CTC1: variants seen among roughly 807,000 people sequenced by gnomAD.
CTC1 encodes CST complex subunit CTC1.
In CTC1, 91 loss-of-function variants were observed where a neutral mutation model predicts 136.3. The ratio of observed to expected loss-of-function variants is 0.67; its 90% CI spans 0.56 to 0.79. CTC1 has a LOEUF of 0.79. Among genes scored for constraint, CTC1 ranks in the 30% least tolerant of loss-of-function variants. CTC1 has a pLI of 0.00. For synonymous variants in CTC1, 606 were observed against 613.8 expected (o/e 0.99, Z 0.19); for missense variants, 1,432 against 1,498.1 (o/e 0.96, Z 0.73).
chr17:8,228,933 CA>C, intron 20 of CTC1, 41 bp from the exon 21 acceptor site: 3 of 1,577,644 alleles, frequency 1.9e-6, no homozygotes, highest in Non-Finnish European at 1.7e-6. Flanking sequence ...TATAGCAACC[CA>C]GGTTGCCAAC....
rs780151711 is a variant in CTC1, at chr17:8,232,915, G to A, written c.1936C>T (p.Arg646Trp). The part of the protein sequence containing the change: ...AKHSQPLSDP[R>W]LIGCLVRAER... ...CATCTGAACTCCAAACCTATCAGCC[G>A]TGGGTCACTGAGGGGTTGAGAGTGC... Residue 646 changes from arginine (R) to tryptophan (W), a missense_variant, in exon 11 of 23, where the codon CGG becomes TGG. Arg to Trp is a moderately radical substitution (Grantham distance 101). Coordinates refer to ENST00000651323, the MANE Select transcript of CTC1 (RefSeq NM_025099.6). The A allele has an allele frequency of 2.0e-5, 32 of 1,613,874 alleles. No individual in the cohort carries two copies. The highest frequency in any genetic ancestry group is 1.1e-4 in the East Asian group (5 of 44,874).
In CTC1 at chr17:8,235,932, G is replaced by A; in HGVS notation, c.1105C>T (p.Pro369Ser). The A allele has an allele frequency of 6.2e-7, 1 of 1,612,056 alleles. No individual in the cohort carries two copies. Among genetic ancestry groups the A allele is most frequent in the Non-Finnish European group, 8.5e-7 (1 of 1,178,424 alleles). ...CCATCCAGCTCATAGAGGCCAGCGGGCTCATTCAACACGCCAGTGACTGCT... is the reference window on the plus strand; with the variant it reads ...CCATCCAGCTCATAGAGGCCAGCGGACTCATTCAACACGCCAGTGACTGCT... Reference protein sequence around the residue: ...SGAVTGVLNEPAGLYELDGQL... With the variant: ...SGAVTGVLNESAGLYELDGQL... The change falls in exon 7 of 23, where the codon CCC becomes TCC. Residue 369 changes from proline (P) to serine (S), a missense_variant. By Grantham distance (74) the Pro-to-Ser change is moderately conservative (BLOSUM62 -1). Transcript: ENST00000651323.
intron 1 of CTC1, among the ~76,000 whole-genome samples, chr17:8,246,682 C>T (rs539475059): frequency 6.6e-6 from 1 of 151,900 alleles, no homozygotes; most frequent in East Asian, 1.9e-4. Context: ...GTCAGGAGAT[C>T]GAGACCATCC....
Position 8,232,125 on chromosome 17 carries a change from G to A in CTC1, c.2163C>T (p.Gly721=). 6.5e-7 allele frequency: 1 copy of A among 1,531,112 alleles called. No homozygotes were observed. Among genetic ancestry groups the A allele is most frequent in the Non-Finnish European group, 8.7e-7 (1 of 1,143,796 alleles). The allele number at this position is 1,531,112 out of a possible 1,614,324, so 94.8% of individuals were successfully genotyped here. A position where few individuals can be genotyped will look rare whatever the true frequency, so the allele number is the denominator to read the frequency against. ...TCTGTCCTAGGTGGGGTCCCTCTGGGCCGGTGGGATCTGTCTGAGGTGTTG... is the reference window on the plus strand; with the variant it reads ...TCTGTCCTAGGTGGGGTCCCTCTGGACCGGTGGGATCTGTCTGAGGTGTTG... The part of the protein sequence containing the change: ...TPSTPQTDPT[G]PEGPHLGQSR... Residue 721 remains glycine (G), a synonymous_variant, in exon 13 of 23, where the codon GGC becomes GGT. Transcript: ENST00000651323.
chr17:8,247,711 G>T, intron 1 of CTC1: 1 of 400,038 alleles, frequency 2.5e-6, no homozygotes, highest in Non-Finnish European at 4.6e-6. Flanking sequence ...GTCTTCTCCA[G>T]GAACCCACAG....
At position 8,228,266 on chromosome 17, in the gene CTC1, C is replaced by G; in HGVS notation, c.3568G>C (p.Val1190Leu). The change falls in exon 23 of 23, where the codon GTG (valine) becomes CTG (leucine). Residue 1190 changes from valine to leucine, a missense_variant. Transcript: ENST00000651323. Reference sequence around the variant, plus strand: ...CAGGACAATCGGAGCCTGGGGTTCACGTGAGTCAGGAAAGGGAGCTCTCCA... The same window carrying G: ...CAGGACAATCGGAGCCTGGGGTTCAGGTGAGTCAGGAAAGGGAGCTCTCCA... ...QCGELPFLTH[V>L]NPRLRLSCLS... 6.2e-7 allele frequency: 1 copy of G among 1,614,016 alleles called. No homozygotes were observed. The highest frequency in any genetic ancestry group is 8.5e-7 in the Non-Finnish European group (1 of 1,179,988).
In CTC1 at chr17:8,242,553, A is replaced by AAT. The variant is rs1242237744; in HGVS notation, c.197+430_197+431dup. ...AGAGAGAAAAAAAAAAAAAAAAAAA[A>AAT]ATATATATATATATATATATATATA... On this transcript the variant is annotated intron_variant, in intron 2 of 22. Transcript: ENST00000651323. Among the ~76,000 whole-genome samples the AAT allele has an allele frequency of 4.0e-3, 244 of 60,298 alleles. 1 individual carries two copies. Among genetic ancestry groups the AAT allele is most frequent in the South Asian group, 5.5e-3 (9 of 1,642 alleles). The allele number at this position is 60,298 out of a possible 152,430, so 39.6% of individuals were successfully genotyped here.
At position 8,238,044 on chromosome 17, in the gene CTC1, G is replaced by A; in HGVS notation, c.634C>T (p.Leu212=). Residue 212 remains leucine, a synonymous_variant, in exon 4 of 23, where the codon CTG becomes TTG. Transcript: ENST00000651323. ...GGGGGAAATTACCTGAGCCTGAGCA[G>A]GCAGGAAGCACTCTCTGGGTAGAGG... ...PVLYPESASC[L]LRLRNKLRGV... 3 of 1,613,484 alleles carry A rather than the reference G, an allele frequency of 1.9e-6. No individual in the cohort carries two copies. The highest frequency in any genetic ancestry group is 2.5e-6 in the Non-Finnish European group (3 of 1,179,552).
chr17:8,229,241 G>A, intron 19 of CTC1, 35 bp from the exon 20 acceptor site: 3 of 1,614,038 alleles, frequency 1.9e-6, no homozygotes, highest in East Asian at 2.2e-5. Flanking sequence ...AAGTCCTCTT[G>A]GTCCCATCAC....
intron 1 of CTC1, among the ~76,000 whole-genome samples, chr17:8,244,595 G>A (rs987363424): frequency 2.6e-5 from 4 of 151,256 alleles, no homozygotes; most frequent in Non-Finnish European, 1.5e-5. Flanking sequence ...GCGCAATCTC[G>A]GCTCACCGCA....
chr17:8,229,384 G>A lies in CTC1; in HGVS notation c.3074C>T (p.Ala1025Val), dbSNP rs183966301. The A allele has an allele frequency of 1.0e-4, 169 of 1,614,048 alleles. No homozygotes were observed. The East Asian group carries it at 2.9e-3, about 28-fold the overall frequency. The change falls in exon 19 of 23, where the codon GCC (alanine) becomes GTC (valine). Residue 1025 changes from alanine (A) to valine (V), a missense_variant. Ala to Val is a moderately conservative substitution (Grantham distance 64). Coordinates refer to ENST00000651323, the MANE Select transcript of CTC1 (RefSeq NM_025099.6). ...LLQGGQSPFQ[A>V]TASCHIVSVF... ...AGAGACGATATGGCAAGAGGCAGTG[G>A]CCTGGAATGGGGACTGACCACCCTG...
rs1490603705 is a variant in CTC1 at position 8,226,986 on chromosome 17, C to A, written c.*1194G>T. On this transcript the variant is annotated 3_prime_UTR_variant, in exon 23 of 23. Transcript: ENST00000651323. ...ACAAAACACACACAAAAAAAAGCCA[C>A]CCACTGGCCCGTACGGGGTTCGAAC... The A allele has an allele frequency of 3.9e-5, 6 of 152,538 alleles. No homozygotes were observed. The highest frequency in any genetic ancestry group is 1.4e-4 in the African/African-American group (6 of 41,430). 9.4% of individuals were successfully genotyped at this position (152,538 alleles called of 1,614,324 possible).
At position 8,229,161 on chromosome 17, in the gene CTC1, T is replaced by C. The variant is rs905994789; in HGVS notation, c.3202A>G (p.Ile1068Val). The change falls in exon 20 of 23, where the codon ATA becomes GTA. Residue 1068 changes from isoleucine to valine, a missense_variant. Transcript: ENST00000651323. The part of the protein sequence containing the change: ...LGSTCPTQTA[I>V]SQAIIRLLVE... ...TCTCACCTGATGATGGCCTGGCTTA[T>C]AGCTGTCTGCGTAGGGCAAGTGGAG... The C allele has an allele frequency of 5.0e-6, 8 of 1,613,936 alleles. No homozygotes were observed. Among genetic ancestry groups the C allele is most frequent in the African/African-American group, 2.7e-5 (2 of 74,948 alleles).
rs533217802 is a variant in CTC1 at position 8,241,960 on chromosome 17, G to A, written c.197+1025C>T. Among the ~76,000 whole-genome samples, 3 of 151,524 alleles carry A rather than the reference G, an allele frequency of 2.0e-5. No individual in the cohort carries two copies. In the South Asian group the frequency reaches 6.3e-4, roughly 32 times the overall value. On this transcript the variant is annotated intron_variant, in intron 2 of 22. Transcript: ENST00000651323. ...CTCTACATTATATTGCTTAAGGATAGATGCATGTGTAGTAAAACTATTAAA... is the reference window on the plus strand; with the variant it reads ...CTCTACATTATATTGCTTAAGGATAAATGCATGTGTAGTAAAACTATTAAA...
rs752600061 is a variant in CTC1, at chr17:8,232,879, T to C, written c.1945+27A>G. ...TATGAGAACCACCATCCCACTACCATCTTCTTTCCACATCTGAACTCCAAA... is the reference window on the plus strand; with the variant it reads ...TATGAGAACCACCATCCCACTACCACCTTCTTTCCACATCTGAACTCCAAA... On this transcript the variant is annotated intron_variant, in intron 11 of 22. Transcript: ENST00000651323. 4 of 1,612,172 alleles carry C rather than the reference T, an allele frequency of 2.5e-6. No homozygotes were observed. In the Admixed American group the frequency reaches 5.0e-5, roughly 20 times the overall value.
intron 2 of CTC1, among the ~76,000 whole-genome samples, chr17:8,239,326 G>A (rs11651199): frequency 0.15 from 22,914 of 152,000 alleles, 2,201 homozygotes; most frequent in Non-Finnish European, 0.22. Context: ...ATGGGACCAC[G>A]TAGGCATCTA....
intron 2 of CTC1, among the ~76,000 whole-genome samples, chr17:8,239,326 G>T (rs11651199): frequency 0.02 from 2,982 of 152,048 alleles, 105 homozygotes; most frequent in African/African-American, 0.068. Flanking sequence ...ATGGGACCAC[G>T]TAGGCATCTA....
chr17:8,247,807 A>C (rs1423420738), intron 1 of CTC1, 197 bp downstream of exon 1: 2 of 613,212 alleles, frequency 3.3e-6, no homozygotes, highest in African/African-American at 3.7e-5. Context: ...TAAGGCTCAC[A>C]GCGGGCGCCG....
chr17:8,239,527 T>TC (rs1988038170), intron 2 of CTC1, among the ~76,000 whole-genome samples: 1 of 152,030 alleles, frequency 6.6e-6, no homozygotes, highest in African/African-American at 2.4e-5. Context: ...CCCTGAATTT[T>TC]TTTTTTTTTT....
Sources: gnomAD v4.1 joint callset for allele counts (sites outside exome capture counted in the v4.1 genomes callset) on GRCh38, gnomAD v4.1.1 for gene constraint, MANE v1.5 for transcripts, NCBI Gene and HGNC (gene_info 2026-07-23, HGNC 2026-07-21) for gene names.